PSTPIP2: variants seen among roughly 807,000 people sequenced by gnomAD.
PSTPIP2 encodes proline-serine-threonine phosphatase-interacting protein 2.
In PSTPIP2, 33 loss-of-function variants were observed where a neutral mutation model predicts 63.3. The observed-to-expected ratio is 0.52, with a 90% CI of 0.40 to 0.70. The LOEUF (loss-of-function observed/expected upper bound fraction) is 0.70, where lower values mean the gene tolerates loss of function less well. PSTPIP2 is among the 30% of genes least tolerant of loss of function. The probability of loss-of-function intolerance (pLI) is 0.00; values close to 1 mark genes in which losing one functional copy is unlikely to be tolerated. For synonymous variants in PSTPIP2, 125 were observed against 132.7 expected (o/e 0.94, Z 0.40); for missense variants, 312 against 400.7 (o/e 0.78, Z 1.89).
In PSTPIP2 at chr18:46,017,330, A is replaced by G. The variant is rs150156676; in HGVS notation, c.213-1393T>C. 3.2e-3 allele frequency among the ~76,000 whole-genome samples: 489 copies of G among 152,256 alleles called. 5 individuals carry two copies. Among genetic ancestry groups the G allele is most frequent in the African/African-American group, 0.011 (456 of 41,556 alleles). On this transcript the variant is annotated intron_variant, in intron 3 of 14. Transcript: ENST00000409746. Reference sequence around the variant, plus strand: ...TTCTGGATGCCTTTAGGACTTTTTCATTAACTTGGATCTTACTCAGTTTGA... The same window carrying G: ...TTCTGGATGCCTTTAGGACTTTTTCGTTAACTTGGATCTTACTCAGTTTGA...
intron 5 of PSTPIP2, among the ~76,000 whole-genome samples, chr18:46,007,147 T>A (rs1227914879): frequency 6.6e-6 from 1 of 152,220 alleles, no homozygotes; most frequent in African/African-American, 2.4e-5. Context: ...CAAATGTAGT[T>A]CCTTCCAGAC....
chr18:46,052,936 T>C (rs893047852), intron 1 of PSTPIP2, among the ~76,000 whole-genome samples: 2 of 152,214 alleles, frequency 1.3e-5, no homozygotes, highest in African/African-American at 4.8e-5. Flanking sequence ...TATCATTAAT[T>C]TCCATCTTTT....
chr18:46,035,461 A>G (rs565619366), intron 2 of PSTPIP2, among the ~76,000 whole-genome samples: 2 of 151,028 alleles, frequency 1.3e-5, no homozygotes, highest in East Asian at 3.9e-4. Flanking sequence ...AAATAAAAGA[A>G]GAGGAAAATT....
intron 12 of PSTPIP2, among the ~76,000 whole-genome samples, chr18:45,990,961 T>A (rs1568208353): frequency 6.6e-6 from 1 of 152,130 alleles, no homozygotes; most frequent in Non-Finnish European, 1.5e-5. Context: ...AGAGGCAGCA[T>A]GCATAGTGAT....
At chr18:46,034,268 GT>G (rs916202433) in intron 2 of PSTPIP2, among the ~76,000 whole-genome samples, 18 of 152,250 alleles carry the variant, frequency 1.2e-4, no homozygotes, top group African/African-American at 4.3e-4. Flanking sequence ...GGGCATAAAG[GT>G]GTTCCACAAG....
chr18:46,021,807 C>T (rs892470347), intron 3 of PSTPIP2, among the ~76,000 whole-genome samples: 2 of 135,894 alleles, frequency 1.5e-5, no homozygotes, highest in Non-Finnish European at 3.0e-5. Flanking sequence ...ATTAGCCGGG[C>T]CACTGCACTC....
intron 2 of PSTPIP2, among the ~76,000 whole-genome samples, chr18:46,035,981 T>C (rs1276027715): frequency 6.6e-6 from 1 of 152,116 alleles, no homozygotes; most frequent in Non-Finnish European, 1.5e-5. Context: ...ACCTCTATTA[T>C]TGTTGTGCTT....
At chr18:46,033,698 G>GAAAAAAAAAAA (rs35450100) in intron 2 of PSTPIP2, among the ~76,000 whole-genome samples, 1 of 103,154 alleles carries the variant, frequency 9.7e-6, no homozygotes. Context: ...ACTCCATCTC[G>GAAAAAAAAAAA]AAAAAAAAAA....
At chr18:45,995,487 C>A (rs910111033) in intron 9 of PSTPIP2, among the ~76,000 whole-genome samples, 3 of 152,192 alleles carry the variant, frequency 2.0e-5, no homozygotes, top group Non-Finnish European at 4.4e-5. Context: ...TAAAAAATGG[C>A]CTCATTCTAG....
rs201994690 is a variant in PSTPIP2, at chr18:46,015,886, A to T, written c.247+17T>A. On this transcript the variant is annotated intron_variant, in intron 4 of 14. Transcript: ENST00000409746. Reference sequence around the variant, plus strand: ...TCAAGGGCAGTGAATACATTTTTTAAAAAAAAAATCACTTACGCTGCTTGA... The same window carrying T: ...TCAAGGGCAGTGAATACATTTTTTATAAAAAAAATCACTTACGCTGCTTGA... The T allele has an allele frequency of 0.1, 156,668 of 1,544,354 alleles. 10,727 individuals are homozygous for T. Among genetic ancestry groups the T allele is most frequent in the East Asian group, 0.41 (18,220 of 44,160 alleles).
At chr18:46,054,663 A>ATTTTTTT (rs567708908) in intron 1 of PSTPIP2, among the ~76,000 whole-genome samples, 106 of 142,140 alleles carry the variant, frequency 7.5e-4, no homozygotes, top group East Asian at 1.7e-3. Context: ...AAACCTACTA[A>ATTTTTTT]TTTTTTTTTT....
intron 14 of PSTPIP2, among the ~76,000 whole-genome samples, chr18:45,985,963 G>T (rs929607150): frequency 1.3e-5 from 2 of 152,070 alleles, no homozygotes; most frequent in African/African-American, 2.4e-5. Context: ...TTTTAGTAGA[G>T]ATAGGGTTTC....
intron 4 of PSTPIP2, among the ~76,000 whole-genome samples, chr18:46,011,901 A>C (rs1203094273): frequency 6.6e-6 from 1 of 152,266 alleles, no homozygotes; most frequent in Non-Finnish European, 1.5e-5. Flanking sequence ...GAAAGACTGA[A>C]AGATGGTCAG....
intron 1 of PSTPIP2, among the ~76,000 whole-genome samples, chr18:46,065,102 C>A (rs1251756865): frequency 7.0e-6 from 1 of 143,882 alleles, no homozygotes; most frequent in Non-Finnish European, 1.5e-5. Flanking sequence ...CGAGGTCGTG[C>A]CATTGCACTT....
chr18:46,026,934 G>A (rs1013914062), intron 2 of PSTPIP2, among the ~76,000 whole-genome samples: 4 of 152,110 alleles, frequency 2.6e-5, no homozygotes, highest in African/African-American at 9.7e-5. Flanking sequence ...TTGTAACAGG[G>A]ATTTCTTTCT....
chr18:45,993,147 T>A (rs1032825674), intron 10 of PSTPIP2, among the ~76,000 whole-genome samples: 1 of 152,156 alleles, frequency 6.6e-6, no homozygotes, highest in African/African-American at 2.4e-5. Context: ...GAGGCTGGAG[T>A]GCAGTGGCAC....
chr18:46,003,715 G>T (rs2051694228), intron 6 of PSTPIP2, among the ~76,000 whole-genome samples: 1 of 150,976 alleles, frequency 6.6e-6, no homozygotes. Context: ...TGAGTCCAAG[G>T]TCACTAGCCA....
At chr18:46,044,503 T>C (rs1445049273) in intron 1 of PSTPIP2, among the ~76,000 whole-genome samples, 1 of 152,122 alleles carries the variant, frequency 6.6e-6, no homozygotes, top group Non-Finnish European at 1.5e-5. Flanking sequence ...ATACAAAAAT[T>C]AATTCAAGAT....
At chr18:46,053,432 T>C (rs991545232) in intron 1 of PSTPIP2, among the ~76,000 whole-genome samples, 2 of 152,206 alleles carry the variant, frequency 1.3e-5, no homozygotes, top group Admixed American at 1.3e-4. Context: ...AGTGTTTCTT[T>C]CAGTACATGT....
Sources: allele counts gnomAD v4.1 joint callset (sites outside exome capture counted in the v4.1 genomes callset), GRCh38; gene constraint gnomAD v4.1.1; transcripts MANE v1.5; gene names NCBI Gene and HGNC (gene_info 2026-07-23, HGNC 2026-07-21).